The following TAS2R1 variants were observed in gnomAD, a reference collection of about 807,000 sequenced individuals.
TAS2R1 encodes the protein taste receptor type 2 member 1.
For synonymous variants in TAS2R1, 141 were observed against 134.2 expected (o/e 1.05, Z -0.35); for missense variants, 370 against 353.4 (o/e 1.05, Z -0.38).
intron 1 of TAS2R1, among the ~76,000 whole-genome samples, chr5:9,707,388 A>G (rs1579793997): frequency 6.6e-6 from 1 of 152,328 alleles, no homozygotes; most frequent in African/African-American, 2.4e-5. Flanking sequence ...GGCCCATCAG[A>G]CATTTCCATC....
At chr5:9,655,771 C>A (rs1425210778) in intron 2 of TAS2R1, among the ~76,000 whole-genome samples, 2 of 151,782 alleles carry the variant, frequency 1.3e-5, no homozygotes, top group African/African-American at 4.8e-5. Flanking sequence ...TGTCTAGACT[C>A]TCTAGAAATC....
chr5:9,780,064 C>A, the TAS2R1 span, among the ~76,000 whole-genome samples: 1 of 152,200 alleles, frequency 6.6e-6, no homozygotes, highest in African/African-American at 2.4e-5. Context: ...CCAGCACGGC[C>A]CCTTTTCTCT....
chr5:9,817,253 C>T, the TAS2R1 span, among the ~76,000 whole-genome samples: 5 of 152,112 alleles, frequency 3.3e-5, no homozygotes, highest in South Asian at 4.1e-4. Context: ...TGAAAACAGC[C>T]GTTGTGTCAT....
At chr5:9,652,879 A>G (rs1740333921) in intron 2 of TAS2R1, among the ~76,000 whole-genome samples, 1 of 152,126 alleles carries the variant, frequency 6.6e-6, no homozygotes, top group South Asian at 2.1e-4. Flanking sequence ...AATTGTGGTA[A>G]AATACACATA....
At chr5:9,812,518 T>A in the TAS2R1 span, among the ~76,000 whole-genome samples, 2 of 151,708 alleles carry the variant, frequency 1.3e-5, no homozygotes, top group African/African-American at 4.8e-5. Flanking sequence ...ATGGCCAAAG[T>A]CACAGATGAG....
chr5:9,816,500 T>G, the TAS2R1 span, among the ~76,000 whole-genome samples: 3 of 151,502 alleles, frequency 2.0e-5, no homozygotes, highest in African/African-American at 7.3e-5. Flanking sequence ...AGTCATTGCC[T>G]CACAGATGAA....
chr5:9,761,785 T>C, the TAS2R1 span, among the ~76,000 whole-genome samples: 1 of 152,202 alleles, frequency 6.6e-6, no homozygotes. Context: ...ATCATGACAA[T>C]AAAACCTGGT....
the TAS2R1 span, among the ~76,000 whole-genome samples, chr5:9,728,148 C>A: frequency 6.6e-6 from 1 of 152,074 alleles, no homozygotes; most frequent in Non-Finnish European, 1.5e-5. Flanking sequence ...AATTGTTAGA[C>A]TACATTTCTA....
chr5:9,730,531 A>C, the TAS2R1 span, among the ~76,000 whole-genome samples: 2 of 152,224 alleles, frequency 1.3e-5, no homozygotes, highest in African/African-American at 4.8e-5. Flanking sequence ...GGCCTGGGGC[A>C]TCGCATGTCC....
chr5:9,810,884 C>T, the TAS2R1 span, among the ~76,000 whole-genome samples: 1 of 152,102 alleles, frequency 6.6e-6, no homozygotes, highest in Non-Finnish European at 1.5e-5. Context: ...TTTGTCTACA[C>T]CCACACCAGA....
intron 2 of TAS2R1, among the ~76,000 whole-genome samples, chr5:9,651,439 C>T (rs919183917): frequency 6.6e-6 from 1 of 151,948 alleles, no homozygotes; most frequent in Non-Finnish European, 1.5e-5. Flanking sequence ...TGACATAGTC[C>T]AATAATATGA....
chr5:9,798,265 A>G, the TAS2R1 span, among the ~76,000 whole-genome samples: 2 of 152,236 alleles, frequency 1.3e-5, no homozygotes, highest in African/African-American at 4.8e-5. Flanking sequence ...ACAAATGGAC[A>G]TGAGGAATGT....
At chr5:9,649,384 G>A (rs1740259380) in intron 2 of TAS2R1, among the ~76,000 whole-genome samples, 1 of 152,184 alleles carries the variant, frequency 6.6e-6, no homozygotes. Flanking sequence ...TTTAGTAAAA[G>A]TTGGAAGTAT....
the TAS2R1 span, among the ~76,000 whole-genome samples, chr5:9,836,062 A>C: frequency 1.3e-5 from 2 of 152,022 alleles, no homozygotes; most frequent in Admixed American, 1.3e-4. Flanking sequence ...GGTCTTTCCC[A>C]TGCTGTTCTC....
upstream of TAS2R1, among the ~76,000 whole-genome samples, chr5:9,712,617 T>G (rs1360507389): frequency 6.6e-6 from 1 of 152,186 alleles, no homozygotes; most frequent in Non-Finnish European, 1.5e-5. Flanking sequence ...GACTCCAGAC[T>G]ACAACACCAA....
the TAS2R1 span, among the ~76,000 whole-genome samples, chr5:9,825,068 C>T: frequency 1.3e-5 from 2 of 152,168 alleles, no homozygotes; most frequent in South Asian, 4.1e-4. Context: ...AATCTCCAGC[C>T]TAATGGTTTT....
the TAS2R1 span, among the ~76,000 whole-genome samples, chr5:9,826,876 C>T: frequency 6.6e-6 from 1 of 152,138 alleles, no homozygotes; most frequent in East Asian, 1.9e-4. Flanking sequence ...CTTCTACTTA[C>T]CAAATTCCAC....
chr5:9,855,897 ATAT>A, the TAS2R1 span, among the ~76,000 whole-genome samples: 2 of 151,786 alleles, frequency 1.3e-5, no homozygotes, highest in South Asian at 2.1e-4. Context: ...GTGCTAAAAG[ATAT>A]TATAGCCCTA....
chr5:9,692,517 C>G (rs1466647608), intron 1 of TAS2R1, among the ~76,000 whole-genome samples: 1 of 152,192 alleles, frequency 6.6e-6, no homozygotes, highest in Non-Finnish European at 1.5e-5. Context: ...AAATTTATTT[C>G]CCTGTTAAGA....
Sources: allele counts gnomAD v4.1 joint callset (sites outside exome capture counted in the v4.1 genomes callset), GRCh38; gene constraint gnomAD v4.1.1; transcripts MANE v1.5; gene names NCBI Gene and HGNC (gene_info 2026-07-23, HGNC 2026-07-21).